Variants in SLC25A29 observed in about 807,000 individuals in gnomAD.
The protein encoded by SLC25A29 is solute carrier family 25 member 29, also known as mitochondrial basic amino acids transporter.
SLC25A29 carries 13 observed loss-of-function variants against 10.0 expected under a neutral mutation model. That is an observed-to-expected ratio of 1.30 (90% CI 0.85 to 2.07). The LOEUF (loss-of-function observed/expected upper bound fraction) is 2.07, where lower values mean the gene tolerates loss of function less well. Among genes scored for constraint, SLC25A29 ranks in the 30% most tolerant of loss-of-function variants. The pLI is 0.00. For synonymous variants in SLC25A29, 244 were observed against 221.1 expected (o/e 1.10, Z -0.92); for missense variants, 475 against 447.6 (o/e 1.06, Z -0.55).
chr14:100,287,295 T>C (rs1251420351), downstream of SLC25A29, among the ~76,000 whole-genome samples: 2 of 152,234 alleles, frequency 1.3e-5, no homozygotes, highest in Non-Finnish European at 2.9e-5. Flanking sequence ...TTATCAGATT[T>C]GGACTCCCCA....
At chr14:100,295,411 C>T (rs377689123) in intron 2 of SLC25A29, 2 of 376,258 alleles carry the variant, frequency 5.3e-6, no homozygotes, top group East Asian at 1.5e-4. Context: ...TCCCAGCTCC[C>T]CATAGGGCCG....
At chr14:100,298,731 A>T in intron 2 of SLC25A29, 111 bp downstream of exon 2, 1 of 1,385,196 alleles carries the variant, frequency 7.2e-7, no homozygotes. Context: ...CTGGTGTAAA[A>T]GCAGCTGCCC....
At chr14:100,302,102 A>T (rs558489069) in intron 1 of SLC25A29, among the ~76,000 whole-genome samples, 118 of 151,486 alleles carry the variant, frequency 7.8e-4, no homozygotes, top group Middle Eastern at 6.8e-3. Context: ...CTGGAATGCA[A>T]TGGCACAATC....
intron 1 of SLC25A29, among the ~76,000 whole-genome samples, chr14:100,302,576 C>T (rs1399655311): frequency 1.3e-5 from 2 of 151,816 alleles, no homozygotes; most frequent in African/African-American, 4.8e-5. Flanking sequence ...AGGAGGGTCT[C>T]GATCTCTTGA....
chr14:100,299,530 T>C, intron 1 of SLC25A29: 1 of 986,584 alleles, frequency 1.0e-6, no homozygotes, highest in Non-Finnish European at 1.2e-6. Flanking sequence ...GGGAGACAGC[T>C]TGTGACTGTG....
At chr14:100,301,871 G>A (rs992878761) in intron 1 of SLC25A29, among the ~76,000 whole-genome samples, 26 of 151,906 alleles carry the variant, frequency 1.7e-4, no homozygotes, top group South Asian at 6.2e-4. Flanking sequence ...CCTCCCCCAC[G>A]ACTCTCTGCC....
At chr14:100,298,686 G>T (rs2139747874) in intron 2 of SLC25A29, 156 bp downstream of exon 2, 3 of 931,106 alleles carry the variant, frequency 3.2e-6, no homozygotes, top group Non-Finnish European at 3.5e-6. Flanking sequence ...GCTGGGAGAT[G>T]CCAGGACAAA....
downstream of SLC25A29, among the ~76,000 whole-genome samples, chr14:100,289,048 T>C (rs1301309658): frequency 6.6e-6 from 1 of 152,110 alleles, no homozygotes; most frequent in Non-Finnish European, 1.5e-5. Flanking sequence ...CAAGAGATGG[T>C]GGCAGCGATC....
At chr14:100,289,374 C>T (rs1384215536), downstream of SLC25A29, among the ~76,000 whole-genome samples, 2 of 152,202 alleles carry the variant, frequency 1.3e-5, no homozygotes, top group Non-Finnish European at 2.9e-5. Context: ...CTGCTCCATG[C>T]TGGCACTTGC....
the SLC25A29 span, among the ~76,000 whole-genome samples, chr14:100,283,811 A>G: frequency 2.6e-5 from 4 of 152,108 alleles, no homozygotes; most frequent in Admixed American, 2.6e-4. Context: ...ACCCCTAGAT[A>G]CAGATGAAAC....
At chr14:100,287,112 G>A (rs1041867250), downstream of SLC25A29, among the ~76,000 whole-genome samples, 1 of 152,244 alleles carries the variant, frequency 6.6e-6, no homozygotes, top group African/African-American at 2.4e-5. Context: ...GTGGCCTCAC[G>A]GGTGCTTTTT....
In SLC25A29 at chr14:100,299,855, G is replaced by A. The variant is rs966279085; in HGVS notation, c.35-970C>T. On this transcript the variant is annotated intron_variant, in intron 1 of 3. Transcript: ENST00000359232. ...TGTATAATTAAAACAGCTGGCATCT[G>A]CTGAGTAACAAACTAACATTACGAC... The A allele has an allele frequency of 8.6e-5, 85 of 985,464 alleles. No homozygotes were observed. The African/African-American group carries it at 1.4e-3, about 16-fold the overall frequency. The allele number at this position is 985,464 out of a possible 1,614,324, so 61.0% of individuals were successfully genotyped here.
At chr14:100,288,840 T>C (rs969702705), downstream of SLC25A29, among the ~76,000 whole-genome samples, 3 of 152,204 alleles carry the variant, frequency 2.0e-5, no homozygotes, top group African/African-American at 4.8e-5. Flanking sequence ...CTGTTGAAGG[T>C]TGGATTGTGG....
intron 2 of SLC25A29, chr14:100,295,119 T>TATTC (rs1892049298): frequency 6.2e-6 from 1 of 160,790 alleles, no homozygotes; most frequent in Admixed American, 5.8e-5. Flanking sequence ...CACTGGTGAA[T>TATTC]GCCCAAGTCC....
Position 100,292,362 on chromosome 14 carries a change from C to T in SLC25A29, c.833G>A (p.Gly278Asp). ...CTCGCCCTCGGGCCCGGCCTCCTCG[C>T]CGCGCGCGTAGGTGAGCACCACCGT... ...TVTVVLTYAR[G>D]EEAGPEGEAV... The change falls in exon 4 of 4, where the codon GGC becomes GAC. Residue 278 changes from glycine to aspartate, a missense_variant. Coordinates refer to ENST00000359232, the MANE Select transcript of SLC25A29 (RefSeq NM_001039355.3). The T allele has an allele frequency of 6.6e-7, 1 of 1,509,642 alleles. No homozygotes were observed. Among genetic ancestry groups the T allele is most frequent in the African/African-American group, 1.4e-5 (1 of 71,724 alleles). The allele number at this position is 1,509,642 out of a possible 1,614,324, so 93.5% of individuals were successfully genotyped here.
chr14:100,296,074 G>A (rs752246620), intron 2 of SLC25A29: 167 of 1,232,534 alleles, frequency 1.4e-4, no homozygotes, highest in Non-Finnish European at 1.7e-4. Context: ...AGACTCGGGT[G>A]GCCCCTGATG....
chr14:100,299,359 G>A (rs1892389552), intron 1 of SLC25A29: 2 of 1,014,706 alleles, frequency 2.0e-6, no homozygotes, highest in Non-Finnish European at 2.4e-6. Flanking sequence ...TCTGTCTCTG[G>A]GCCTCACTCT....
chr14:100,288,382 CAAAAAAAAAA>C (rs541814439), downstream of SLC25A29, among the ~76,000 whole-genome samples: 3 of 63,832 alleles, frequency 4.7e-5, no homozygotes, highest in Admixed American at 2.3e-4. Context: ...AACTCTATCT[CAAAAAAAAAA>C]AAAAAAAAAA....
intron 2 of SLC25A29, chr14:100,295,755 C>T (rs1305001422): frequency 1.4e-5 from 18 of 1,289,416 alleles, no homozygotes; most frequent in South Asian, 6.2e-5. Context: ...CACATCCAGG[C>T]GCGGAGCCCC....
Sources: gnomAD v4.1 joint callset for allele counts (sites outside exome capture counted in the v4.1 genomes callset) on GRCh38, gnomAD v4.1.1 for gene constraint, MANE v1.5 for transcripts, NCBI Gene and HGNC (gene_info 2026-07-23, HGNC 2026-07-21) for gene names.